The following CPTP variants were observed in gnomAD, a reference collection of about 807,000 sequenced individuals.
The protein encoded by CPTP is ceramide-1-phosphate transfer protein, also known as GLTP domain-containing protein 1.
In CPTP, 5 loss-of-function variants were observed where a neutral mutation model predicts 5.7. That is an observed-to-expected ratio of 0.88 (90% CI 0.46 to 1.86). The LOEUF is 1.86. CPTP is among the 40% of genes most tolerant of loss of function. CPTP has a pLI of 0.01. For missense variants in CPTP, 335 were observed against 306.5 expected, an observed-to-expected ratio of 1.09 and a Z score of -0.69; for synonymous variants, 166 against 142.7, an observed-to-expected ratio of 1.16 and a Z score of -1.16.
rs1440967672 is a variant in CPTP, at chr1:1,326,928, A to G, written c.18A>G (p.Thr6=). Residue 6 remains threonine, a synonymous_variant, in exon 2 of 3, where the codon ACA becomes ACG. Transcript: ENST00000343938. ...ATCAAAAAATGGATGACTCGGAGACAGGTTTCAATCTGAAAGTCGTCCTGG... is the reference window on the plus strand; with the variant it reads ...ATCAAAAAATGGATGACTCGGAGACGGGTTTCAATCTGAAAGTCGTCCTGG... The part of the protein sequence containing the change: MDDSE[T]GFNLKVVLVS... 5 of 1,613,722 alleles carry G rather than the reference A, an allele frequency of 3.1e-6. No homozygotes were observed. The highest frequency in any genetic ancestry group is 4.2e-6 in the Non-Finnish European group (5 of 1,179,988).
intron 1 of CPTP, chr1:1,325,310 C>G (rs1377247271): frequency 6.6e-6 from 1 of 152,436 alleles, no homozygotes; most frequent in Admixed American, 6.5e-5. Flanking sequence ...CCTGGGCTGG[C>G]AAGCTGCCTG....
Position 1,327,540 on chromosome 1 carries a change from C to T in CPTP, c.422C>T (p.Ser141Phe), listed in dbSNP as rs1643335956. The stretch of plus-strand genomic sequence containing the variant: ...CGCACCTCCGCGCTCTGCGCCGACT[C>T]CTACAACGCCTCGCTGGCCGCCTAC... The part of the protein sequence containing the change: ...DARTSALCAD[S>F]YNASLAAYHP... The change falls in exon 3 of 3, where the codon TCC becomes TTC. Residue 141 changes from serine to phenylalanine, a missense_variant. Physicochemically the swap from Ser to Phe is radical, Grantham distance 155. Coordinates refer to ENST00000343938, the MANE Select transcript of CPTP (RefSeq NM_001029885.2). The T allele has an allele frequency of 1.9e-6, 3 of 1,590,372 alleles. No homozygotes were observed. In the East Asian group the frequency reaches 6.8e-5, roughly 36 times the overall value.
At chr1:1,326,108 G>A (rs963195768) in intron 1 of CPTP, among the ~76,000 whole-genome samples, 2 of 152,236 alleles carry the variant, frequency 1.3e-5, no homozygotes, top group African/African-American at 4.8e-5. Flanking sequence ...GGCCACTCGT[G>A]GAAGGCTCCC....
intron 1 of CPTP, 75 bp from the exon 2 acceptor site, chr1:1,326,761 G>C: frequency 9.6e-7 from 1 of 1,041,920 alleles, no homozygotes; most frequent in Non-Finnish European, 1.4e-6. Flanking sequence ...CTCCTGGGAG[G>C]AAGCTCCATG....
rs754810512 is a variant in CPTP at position 1,327,767 on chromosome 1, C to T, written c.*4C>T. 9.3e-6 allele frequency: 15 copies of T among 1,610,110 alleles called. No homozygotes were observed. The highest frequency in any genetic ancestry group is 2.2e-5 in the East Asian group (1 of 44,890). On this transcript the variant is annotated 3_prime_UTR_variant, in exon 3 of 3. Coordinates refer to ENST00000343938, the MANE Select transcript of CPTP (RefSeq NM_001029885.2). ...CTCCCTGCTGGACCTGCCCTAGGGG[C>T]GGGAAGCCAGGGCCGCACCGGCTTT...
chr1:1,324,997 T>G lies in CPTP; in HGVS notation c.-181T>G. 4.7e-6 allele frequency: 1 copy of G among 213,708 alleles called. No individual in the cohort carries two copies. The highest frequency in any genetic ancestry group is 9.2e-6 in the Non-Finnish European group (1 of 108,838). The allele number at this position is 213,708 out of a possible 1,614,324, so 13.2% of individuals were successfully genotyped here. On this transcript the variant is annotated 5_prime_UTR_variant, in exon 1 of 3. Transcript: ENST00000343938. ...CGGAGCCGTGGCTCAGGTCGGCCCCTCCCCAACACCACCCCGGGCCTCCGC... is the reference window on the plus strand; with the variant it reads ...CGGAGCCGTGGCTCAGGTCGGCCCCGCCCCAACACCACCCCGGGCCTCCGC...
At position 1,327,583 on chromosome 1, in the gene CPTP, C is replaced by A. The variant is rs745753445; in HGVS notation, c.465C>A (p.Arg155=). 1.2e-6 allele frequency: 2 copies of A among 1,607,936 alleles called. No individual in the cohort carries two copies. Among genetic ancestry groups the A allele is most frequent in the East Asian group, 2.2e-5 (1 of 44,724 alleles). ...SLAAYHPWVV[R]RAVTVAFCTL... ...CCGCCTACCACCCCTGGGTCGTGCG[C>A]CGCGCCGTCACCGTGGCCTTCTGCA... Residue 155 remains arginine (R), a synonymous_variant, in exon 3 of 3, where the codon CGC becomes CGA. Transcript: ENST00000343938.
At chr1:1,326,162 A>T (rs1397368248) in intron 1 of CPTP, among the ~76,000 whole-genome samples, 1 of 152,218 alleles carries the variant, frequency 6.6e-6, no homozygotes, top group Non-Finnish European at 1.5e-5. Context: ...TGAGTGGTAA[A>T]ACCCATCTGT....
chr1:1,327,307 C>T lies in CPTP; in HGVS notation c.189C>T (p.Ile63=). 1 of 1,598,158 alleles carries T rather than the reference C, an allele frequency of 6.3e-7. No homozygotes were observed. The highest frequency in any genetic ancestry group is 1.1e-5 in the South Asian group (1 of 91,004). Residue 63 remains isoleucine, a synonymous_variant, in exon 3 of 3, where the codon ATC becomes ATT. Coordinates refer to ENST00000343938, the MANE Select transcript of CPTP (RefSeq NM_001029885.2). ...ISKDVVSKLR[I]MERLRGGPQS... is the part of the protein sequence containing the mutation. ...AGGACGTGGTCTCCAAGCTGCGGAT[C>T]ATGGAGCGCCTCAGGGGCGGCCCGC...
intron 1 of CPTP, among the ~76,000 whole-genome samples, chr1:1,325,796 G>T (rs1428207724): frequency 2.6e-5 from 4 of 152,146 alleles, no homozygotes; most frequent in Non-Finnish European, 5.9e-5. Flanking sequence ...CCTGCTCCTG[G>T]CCAGGAGCTC....
Position 1,327,722 on chromosome 1 carries a change from C to G in CPTP, c.604C>G (p.Gln202Glu), listed in dbSNP as rs1425123314. 1 of 1,612,598 alleles carries G rather than the reference C, an allele frequency of 6.2e-7. No individual in the cohort carries two copies. Among genetic ancestry groups the G allele is most frequent in the South Asian group, 1.1e-5 (1 of 91,096 alleles). Reference sequence around the variant, plus strand: ...CATCCAGCGTGTCTACAACGTCTCCCAGAAGCTCTACGCCGAGCACTCCCT... The same window carrying G: ...CATCCAGCGTGTCTACAACGTCTCCGAGAAGCTCTACGCCGAGCACTCCCT... ...PFIQRVYNVSQKLYAEHSLLD... is the reference protein window; with the variant it reads ...PFIQRVYNVSEKLYAEHSLLD... Residue 202 changes from glutamine to glutamate, a missense_variant, in exon 3 of 3, where the codon CAG becomes GAG. Transcript: ENST00000343938.
In CPTP at chr1:1,327,862, G is replaced by A; in HGVS notation, c.*99G>A. 2 of 1,336,742 alleles carry A rather than the reference G, an allele frequency of 1.5e-6. No individual in the cohort carries two copies. The highest frequency in any genetic ancestry group is 2.1e-6 in the Non-Finnish European group (2 of 961,252). 82.8% of individuals were successfully genotyped at this position (1,336,742 alleles called of 1,614,324 possible). ...TGGCAGAGCCTTCTGGGCGCTGCGG[G>A]AACAGGAGATCCTCTGTCGCCCCTG... On this transcript the variant is annotated 3_prime_UTR_variant, in exon 3 of 3. Transcript: ENST00000343938.
chr1:1,326,943 A>G lies in CPTP; in HGVS notation c.33A>G (p.Lys11=). MDDSETGFNL[K]VVLVSFKQCL... is the part of the protein sequence containing the mutation. ...ACTCGGAGACAGGTTTCAATCTGAA[A>G]GTCGTCCTGGTCAGTTTCAAGCAGT... The change falls in exon 2 of 3, where the codon AAA becomes AAG. Residue 11 remains lysine, a synonymous_variant. Coordinates refer to ENST00000343938, the MANE Select transcript of CPTP (RefSeq NM_001029885.2). 6.2e-7 allele frequency: 1 copy of G among 1,613,840 alleles called. No homozygotes were observed. Among genetic ancestry groups the G allele is most frequent in the Non-Finnish European group, 8.5e-7 (1 of 1,179,984 alleles).
Position 1,327,576 on chromosome 1 carries a change from T to C in CPTP, c.458T>C (p.Val153Ala). Reference sequence around the variant, plus strand: ...TCGCTGGCCGCCTACCACCCCTGGGTCGTGCGCCGCGCCGTCACCGTGGCC... The same window carrying C: ...TCGCTGGCCGCCTACCACCCCTGGGCCGTGCGCCGCGCCGTCACCGTGGCC... ...NASLAAYHPW[V>A]VRRAVTVAFC... The change falls in exon 3 of 3, where the codon GTC becomes GCC. Residue 153 changes from valine to alanine, a missense_variant. Physicochemically the swap from Val to Ala is moderately conservative, Grantham distance 64. Coordinates refer to ENST00000343938, the MANE Select transcript of CPTP (RefSeq NM_001029885.2). 1 of 1,605,126 alleles carries C rather than the reference T, an allele frequency of 6.2e-7. No individual in the cohort carries two copies. Among genetic ancestry groups the C allele is most frequent in the Non-Finnish European group, 8.5e-7 (1 of 1,176,800 alleles).
At position 1,327,925 on chromosome 1, in the gene CPTP, G is replaced by C; in HGVS notation, c.*162G>C. On this transcript the variant is annotated 3_prime_UTR_variant, in exon 3 of 3. Transcript: ENST00000343938. ...GTTAGGAACCACAGACTGTGACAGA[G>C]AAGGTGGCGACCAGCCCAGAAGAGG... The C allele has an allele frequency of 1.2e-6, 1 of 813,640 alleles. No homozygotes were observed. The highest frequency in any genetic ancestry group is 1.9e-6 in the Non-Finnish European group (1 of 526,728). The allele number at this position is 813,640 out of a possible 1,614,324, so 50.4% of individuals were successfully genotyped here.
Position 1,326,882 on chromosome 1 carries a change from C to G in CPTP, c.-29C>G. On this transcript the variant is annotated 5_prime_UTR_variant, in exon 2 of 3. Transcript: ENST00000343938. ...TGACCCCAGCGACACAGCCCCCCAG[C>G]CCTACTGTATTTCCGTTCCTATCAA... The G allele has an allele frequency of 6.2e-7, 1 of 1,613,432 alleles. No individual in the cohort carries two copies. The highest frequency in any genetic ancestry group is 8.5e-7 in the Non-Finnish European group (1 of 1,179,834).
chr1:1,327,476 C>T lies in CPTP; in HGVS notation c.358C>T (p.Leu120=), dbSNP rs1456272100. 1 of 1,571,196 alleles carries T rather than the reference C, an allele frequency of 6.4e-7. No individual in the cohort carries two copies. ...GCACCGCGCCCTGCACTGGCTGCAG[C>T]TGTTCCTGGAGGGCCTGCGTACCAG... is the stretch of plus-strand genomic sequence containing the variant. ...RLHRALHWLQ[L]FLEGLRTSPE... is the part of the protein sequence containing the mutation. The change falls in exon 3 of 3, where the codon CTG becomes TTG. Residue 120 remains leucine, a synonymous_variant. Coordinates refer to ENST00000343938, the MANE Select transcript of CPTP (RefSeq NM_001029885.2).
rs1643356673 is a variant in CPTP at position 1,328,348 on chromosome 1, T to A, written c.*585T>A. ...CTCTCCCCGCCTCTCCTGCCTTGTT[T>A]GCCCCTCAGCGTGCCAGGCAGACTG... On this transcript the variant is annotated 3_prime_UTR_variant, in exon 3 of 3. Transcript: ENST00000343938. 6.4e-6 allele frequency: 1 copy of A among 156,534 alleles called. No individual in the cohort carries two copies. Among genetic ancestry groups the A allele is most frequent in the Non-Finnish European group, 1.4e-5 (1 of 71,082 alleles). 9.7% of individuals were successfully genotyped at this position (156,534 alleles called of 1,614,324 possible).
chr1:1,324,828 G>C lies in CPTP; in HGVS notation c.-350G>C. The C allele has an allele frequency of 2.0e-6, 1 of 500,630 alleles. No individual in the cohort carries two copies. The highest frequency in any genetic ancestry group is 2.1e-5 in the African/African-American group (1 of 48,362). 31.0% of individuals were successfully genotyped at this position (500,630 alleles called of 1,614,324 possible). A position where few individuals can be genotyped will look rare whatever the true frequency, so the allele number is the denominator to read the frequency against. ...GGGCCCGCACGGCGGCTACGGCCTA[G>C]GTGAGCGGCTCGGACTCGGCGGCCG... On this transcript the variant is annotated 5_prime_UTR_variant, in exon 1 of 3. Transcript: ENST00000343938.
Sources: gnomAD v4.1 joint callset for allele counts (sites outside exome capture counted in the v4.1 genomes callset) on GRCh38, gnomAD v4.1.1 for gene constraint, MANE v1.5 for transcripts, NCBI Gene and HGNC (gene_info 2026-07-23, HGNC 2026-07-21) for gene names.